Variants in ANGPT1 observed in about 807,000 individuals in gnomAD.
ANGPT1 encodes the protein angiopoietin-1.
A neutral mutation model predicts 62.2 loss-of-function variants in ANGPT1; 17 were observed. The ratio of observed to expected loss-of-function variants is 0.27; its 90% CI spans 0.19 to 0.41. ANGPT1 has a LOEUF of 0.41. Among genes scored for constraint, ANGPT1 ranks in the 10% least tolerant of loss-of-function variants. The pLI is 1.00. For synonymous variants in ANGPT1, 199 were observed against 198.9 expected (o/e 1.00, Z 0.00); for missense variants, 478 against 594.9 (o/e 0.80, Z 2.04).
intron 1 of ANGPT1, among the ~76,000 whole-genome samples, chr8:107,468,003 T>A (rs1812250397): frequency 6.6e-6 from 1 of 152,084 alleles, no homozygotes; most frequent in African/African-American, 2.4e-5. Flanking sequence ...ATACCACATG[T>A]TTGAAGGCAT....
chr8:107,410,015 C>A (rs1332485820), intron 1 of ANGPT1, among the ~76,000 whole-genome samples: 1 of 152,066 alleles, frequency 6.6e-6, no homozygotes, highest in Non-Finnish European at 1.5e-5. Flanking sequence ...GAGCCAGATG[C>A]TGTGCTAAGT....
chr8:107,289,909 T>C (rs927711389), intron 6 of ANGPT1, among the ~76,000 whole-genome samples: 20 of 152,220 alleles, frequency 1.3e-4, no homozygotes, highest in African/African-American at 4.3e-4. Flanking sequence ...CTGATAAGTG[T>C]TACTGCTGGA....
intron 3 of ANGPT1, among the ~76,000 whole-genome samples, chr8:107,328,166 T>C (rs1358945756): frequency 6.6e-6 from 1 of 152,114 alleles, no homozygotes; most frequent in East Asian, 1.9e-4. Context: ...TTTACAGATG[T>C]TCCAATATTT....
intron 2 of ANGPT1, among the ~76,000 whole-genome samples, chr8:107,346,086 T>C (rs557551788): frequency 6.6e-6 from 1 of 152,286 alleles, no homozygotes; most frequent in African/African-American, 2.4e-5. Context: ...GTTATATAGG[T>C]TTTATCTGTA....
chr8:107,488,336 T>C (rs1414705782), intron 1 of ANGPT1, among the ~76,000 whole-genome samples: 1 of 152,190 alleles, frequency 6.6e-6, no homozygotes, highest in Non-Finnish European at 1.5e-5. Context: ...TTTGAAAGTT[T>C]TCTTGCAGCT....
chr8:107,447,227 T>A (rs1358934473), intron 1 of ANGPT1, among the ~76,000 whole-genome samples: 1 of 152,150 alleles, frequency 6.6e-6, no homozygotes, highest in African/African-American at 2.4e-5. Flanking sequence ...AGAAATCAGA[T>A]GTGATTGCAT....
intron 6 of ANGPT1, among the ~76,000 whole-genome samples, chr8:107,290,555 A>C (rs1013260693): frequency 6.6e-6 from 1 of 152,180 alleles, no homozygotes; most frequent in African/African-American, 2.4e-5. Context: ...TAGGTGAAAG[A>C]AAAACTCTAG....
intron 5 of ANGPT1, among the ~76,000 whole-genome samples, chr8:107,302,519 T>C: frequency 6.6e-6 from 1 of 151,966 alleles, no homozygotes. Flanking sequence ...ATCTTCATCA[T>C]TACACTAGAA....
chr8:107,357,531 G>A (rs1458672703), intron 1 of ANGPT1, among the ~76,000 whole-genome samples: 1 of 152,130 alleles, frequency 6.6e-6, no homozygotes, highest in Non-Finnish European at 1.5e-5. Flanking sequence ...GCAGCTAGTA[G>A]ATTGGGGGGA....
At chr8:107,355,568 C>T (rs1816026478) in intron 1 of ANGPT1, among the ~76,000 whole-genome samples, 1 of 137,788 alleles carries the variant, frequency 7.3e-6, no homozygotes, top group Non-Finnish European at 1.6e-5. Flanking sequence ...TCCAGACATA[C>T]CAAATGACCA....
At chr8:107,479,451 GT>G (rs1196295442) in intron 1 of ANGPT1, among the ~76,000 whole-genome samples, 1 of 152,124 alleles carries the variant, frequency 6.6e-6, no homozygotes, top group East Asian at 1.9e-4. Context: ...TCCTATACCT[GT>G]TTCATTCAAG....
At chr8:107,262,958 A>C (rs1813527530) in intron 8 of ANGPT1, among the ~76,000 whole-genome samples, 1 of 152,162 alleles carries the variant, frequency 6.6e-6, no homozygotes, top group Non-Finnish European at 1.5e-5. Flanking sequence ...TTTTTCTTTA[A>C]ATCTACTATT....
At chr8:107,335,484 C>G (rs1044309110) in intron 3 of ANGPT1, among the ~76,000 whole-genome samples, 2 of 152,182 alleles carry the variant, frequency 1.3e-5, no homozygotes, top group Non-Finnish European at 2.9e-5. Flanking sequence ...ATAATACACT[C>G]TTTCATTGTC....
intron 1 of ANGPT1, among the ~76,000 whole-genome samples, chr8:107,363,646 A>T (rs938167244): frequency 6.6e-6 from 1 of 152,222 alleles, no homozygotes; most frequent in Non-Finnish European, 1.5e-5. Flanking sequence ...GGATTAAATA[A>T]GAAAAATCAT....
intron 6 of ANGPT1, among the ~76,000 whole-genome samples, chr8:107,285,793 T>A (rs952715849): frequency 2.0e-5 from 3 of 152,038 alleles, no homozygotes; most frequent in Non-Finnish European, 4.4e-5. Flanking sequence ...TCATTGGCAG[T>A]GCTTGAAGTT....
At chr8:107,398,122 A>G (rs1316325808) in intron 1 of ANGPT1, among the ~76,000 whole-genome samples, 3 of 152,188 alleles carry the variant, frequency 2.0e-5, no homozygotes, top group Non-Finnish European at 4.4e-5. Flanking sequence ...GATGATTTGT[A>G]TGTATTTTAA....
At chr8:107,447,461 G>A (rs1455142900) in intron 1 of ANGPT1, among the ~76,000 whole-genome samples, 1 of 152,204 alleles carries the variant, frequency 6.6e-6, no homozygotes, top group Non-Finnish European at 1.5e-5. Flanking sequence ...ATGAACAAAT[G>A]TATTTCTTTG....
intron 5 of ANGPT1, among the ~76,000 whole-genome samples, chr8:107,302,416 C>T (rs1356246883): frequency 1.3e-5 from 2 of 151,956 alleles, no homozygotes; most frequent in Non-Finnish European, 2.9e-5. Context: ...TCAGCTGTCT[C>T]ACCTCAAAAC....
At chr8:107,320,487 T>C (rs574599648) in intron 4 of ANGPT1, among the ~76,000 whole-genome samples, 2 of 152,314 alleles carry the variant, frequency 1.3e-5, no homozygotes, top group East Asian at 1.9e-4. Context: ...AATATGAGAA[T>C]AGATATAACT....
Sources: allele counts gnomAD v4.1 joint callset (sites outside exome capture counted in the v4.1 genomes callset), GRCh38; gene constraint gnomAD v4.1.1; transcripts MANE v1.5; gene names NCBI Gene and HGNC (gene_info 2026-07-23, HGNC 2026-07-21).